Variants in GPR149 observed in about 807,000 individuals in gnomAD.
GPR149 encodes probable G protein-coupled receptor 149.
GPR149 carries 50 observed loss-of-function variants against 50.2 expected under a neutral mutation model. The observed-to-expected ratio is 1.00, with a 90% CI of 0.79 to 1.26. The LOEUF is 1.26. Among genes scored for constraint, GPR149 ranks in the 50% most tolerant of loss-of-function variants. The pLI, the probability that GPR149 is intolerant of heterozygous loss-of-function variation, is 0.00. For missense variants in GPR149, 983 were observed against 895.4 expected (o/e 1.10, Z -1.25); for synonymous variants, 405 against 358.2 (o/e 1.13, Z -1.48).
At chr3:154,357,465 T>G (rs1714266743) in intron 3 of GPR149, among the ~76,000 whole-genome samples, 1 of 151,846 alleles carries the variant, frequency 6.6e-6, no homozygotes, top group Non-Finnish European at 1.5e-5. Flanking sequence ...GAATCTACAA[T>G]GAACTCAAAC....
chr3:154,429,022 G>C lies in GPR149; in HGVS notation c.594C>G (p.Tyr198Ter). Residue 198 changes from tyrosine (Y) to a stop codon, truncating the protein, a stop_gained, in exon 1 of 4, where the codon TAC becomes TAG. Transcript: ENST00000389740. LOFTEE classifies it high-confidence loss of function. The stretch of plus-strand genomic sequence containing the variant: ...CCACGAGGAGTCCGAAGGCCAAAGC[G>C]TACACGATAGAGAGGAATAGTACGT... ...SSYVLFLSIV[Y>*]ALAFGLLVGL... The C allele has an allele frequency of 1.9e-6, 3 of 1,614,046 alleles. No homozygotes were observed. Among genetic ancestry groups the C allele is most frequent in the Non-Finnish European group, 2.5e-6 (3 of 1,180,028 alleles).
At chr3:154,413,655 T>C (rs1403104755) in intron 3 of GPR149, among the ~76,000 whole-genome samples, 1 of 126,472 alleles carries the variant, frequency 7.9e-6, no homozygotes, top group East Asian at 2.4e-4. Flanking sequence ...AAAAAAAAAA[T>C]AGATGTTGAC....
chr3:154,366,288 A>G (rs914181102), intron 3 of GPR149, among the ~76,000 whole-genome samples: 1 of 152,224 alleles, frequency 6.6e-6, no homozygotes, highest in African/African-American at 2.4e-5. Flanking sequence ...TTGAGGCAAT[A>G]AGATATCATA....
intron 3 of GPR149, among the ~76,000 whole-genome samples, chr3:154,412,790 C>T (rs1711873199): frequency 2.0e-5 from 3 of 151,932 alleles, no homozygotes; most frequent in Non-Finnish European, 4.4e-5. Flanking sequence ...CTTCACAGAA[C>T]TAGAAAAACA....
chr3:154,421,028 T>G lies in GPR149; in HGVS notation c.1623+11A>C. 1 of 1,569,762 alleles carries G rather than the reference T, an allele frequency of 6.4e-7. No individual in the cohort carries two copies. Among genetic ancestry groups the G allele is most frequent in the South Asian group, 1.2e-5 (1 of 84,056 alleles). ...CTTTCAATTTAACAGCAAGAACAAC[T>G]TTTACTGTACCTGACGAGGGGTTCT... On this transcript the variant is annotated intron_variant, in intron 3 of 3. Coordinates refer to ENST00000389740, the MANE Select transcript of GPR149 (RefSeq NM_001038705.3).
intron 3 of GPR149, among the ~76,000 whole-genome samples, chr3:154,390,042 G>C (rs1334936721): frequency 3.3e-5 from 5 of 152,156 alleles, no homozygotes; most frequent in African/African-American, 1.2e-4. Context: ...GATGCCTGAT[G>C]ATCAGTGAGA....
At chr3:154,370,225 G>A (rs898668477) in intron 3 of GPR149, among the ~76,000 whole-genome samples, 7 of 152,108 alleles carry the variant, frequency 4.6e-5, no homozygotes, top group African/African-American at 1.7e-4. Flanking sequence ...ATCAGTGTCT[G>A]GCATAGTCTG....
intron 3 of GPR149, among the ~76,000 whole-genome samples, chr3:154,365,749 C>T (rs1373151075): frequency 6.6e-6 from 1 of 152,186 alleles, no homozygotes; most frequent in Non-Finnish European, 1.5e-5. Flanking sequence ...CACTTTGTAA[C>T]AAAGATGACC....
intron 3 of GPR149, among the ~76,000 whole-genome samples, chr3:154,385,263 T>A (rs1013179612): frequency 6.6e-6 from 1 of 152,196 alleles, no homozygotes; most frequent in Non-Finnish European, 1.5e-5. Flanking sequence ...CTGGCTTTCA[T>A]CCCCAATCCC....
intron 3 of GPR149, among the ~76,000 whole-genome samples, chr3:154,369,059 C>T (rs536415877): frequency 6.6e-6 from 1 of 152,344 alleles, no homozygotes; most frequent in Admixed American, 6.5e-5. Flanking sequence ...TCAGGAAAAG[C>T]AGCCATGAGC....
intron 3 of GPR149, among the ~76,000 whole-genome samples, chr3:154,344,672 T>A (rs1713881365): frequency 6.6e-6 from 1 of 152,112 alleles, no homozygotes; most frequent in Non-Finnish European, 1.5e-5. Context: ...CATGTGAAGA[T>A]GCAGATAACA....
chr3:154,338,867 G>A (rs1165154706), intron 3 of GPR149, among the ~76,000 whole-genome samples: 1 of 152,086 alleles, frequency 6.6e-6, no homozygotes, highest in Non-Finnish European at 1.5e-5. Flanking sequence ...AGTCATTAAA[G>A]TAAACCCAAT....
intron 3 of GPR149, among the ~76,000 whole-genome samples, chr3:154,393,513 C>T (rs749295121): frequency 2.3e-4 from 35 of 151,996 alleles, no homozygotes; most frequent in Non-Finnish European, 5.9e-5. Context: ...TCTTTAAGAC[C>T]AGGAACAAGG....
chr3:154,399,001 C>CT (rs889848719), intron 3 of GPR149, among the ~76,000 whole-genome samples: 1 of 152,106 alleles, frequency 6.6e-6, no homozygotes, highest in Non-Finnish European at 1.5e-5. Context: ...TATGTTATAA[C>CT]TTTGATTTAT....
In GPR149 at chr3:154,335,434, T is replaced by C. The variant is rs1224315559; in HGVS notation, c.*2265A>G. On this transcript the variant is annotated 3_prime_UTR_variant, in exon 4 of 4. Coordinates refer to ENST00000389740, the MANE Select transcript of GPR149 (RefSeq NM_001038705.3). ...AGCTCTAGTAGATTTTTCTTGTATA[T>C]TCAGCTATTGTTGGCTTGGAGTTTG... is the stretch of plus-strand genomic sequence containing the variant. The C allele has an allele frequency of 6.6e-6, 1 of 152,150 alleles. No homozygotes were observed. The highest frequency in any genetic ancestry group is 1.5e-5 in the Non-Finnish European group (1 of 67,988). 9.4% of individuals were successfully genotyped at this position (152,150 alleles called of 1,614,324 possible).
At chr3:154,387,285 C>T (rs1428681556) in intron 3 of GPR149, among the ~76,000 whole-genome samples, 2 of 152,286 alleles carry the variant, frequency 1.3e-5, no homozygotes, top group South Asian at 2.1e-4. Flanking sequence ...AACACTTTTG[C>T]ACAAACTGTA....
Position 154,422,508 on chromosome 3 carries a change from GA to G in GPR149, c.1175-1022del, listed in dbSNP as rs535692506. ...CTGAGACATTTAGCTATCTTCGATA[GA>G]AAAAAATGTATGAAAAGCTATAATC... On this transcript the variant is annotated intron_variant, in intron 2 of 3. Coordinates refer to ENST00000389740, the MANE Select transcript of GPR149 (RefSeq NM_001038705.3). Among the ~76,000 whole-genome samples the G allele has an allele frequency of 7.4e-3, 1,129 of 151,594 alleles. 6 individuals are homozygous for G. Among genetic ancestry groups the G allele is most frequent in the Non-Finnish European group, 0.011 (767 of 67,602 alleles).
intron 3 of GPR149, among the ~76,000 whole-genome samples, chr3:154,395,003 T>C (rs1715257071): frequency 6.6e-6 from 1 of 152,142 alleles, no homozygotes; most frequent in Admixed American, 6.5e-5. Flanking sequence ...ATAATTGCCT[T>C]CTTACAGATT....
intron 3 of GPR149, among the ~76,000 whole-genome samples, chr3:154,344,162 C>A (rs1351368921): frequency 6.6e-6 from 1 of 152,108 alleles, no homozygotes; most frequent in African/African-American, 2.4e-5. Context: ...ATTATCCTCA[C>A]GAATTTTACT....
Sources: allele counts gnomAD v4.1 joint callset (sites outside exome capture counted in the v4.1 genomes callset), GRCh38; gene constraint gnomAD v4.1.1; transcripts MANE v1.5; gene names NCBI Gene and HGNC (gene_info 2026-07-23, HGNC 2026-07-21).